DAB1: variants seen among roughly 807,000 people sequenced by gnomAD.
The protein encoded by DAB1 is DAB adaptor protein 1, also known as disabled homolog 1.
In DAB1, 15 loss-of-function variants were observed where a neutral mutation model predicts 64.6. The ratio of observed to expected loss-of-function variants is 0.23; its 90% CI spans 0.16 to 0.36. The LOEUF (loss-of-function observed/expected upper bound fraction) is 0.36. Among genes scored for constraint, DAB1 ranks in the 10% least tolerant of loss-of-function variants. DAB1 has a pLI of 1.00. For missense variants in DAB1, 596 were observed against 706.7 expected (o/e 0.84, Z 1.78); for synonymous variants, 235 against 251.9 (o/e 0.93, Z 0.64).
chr1:58,487,286 C>T (rs1167265206), intron 3 of DAB1, among the ~76,000 whole-genome samples: 2 of 152,176 alleles, frequency 1.3e-5, no homozygotes, highest in Admixed American at 1.3e-4. Flanking sequence ...AAGATGAGTC[C>T]TAAATTTCCT....
At chr1:58,342,287 G>A (rs542514476) in intron 4 of DAB1, among the ~76,000 whole-genome samples, 4 of 152,120 alleles carry the variant, frequency 2.6e-5, no homozygotes, top group South Asian at 2.1e-4. Flanking sequence ...GGAATCTGGG[G>A]AACTTTGGAG....
intron 3 of DAB1, among the ~76,000 whole-genome samples, chr1:58,382,664 G>A (rs1266058134): frequency 2.0e-5 from 3 of 152,174 alleles, no homozygotes; most frequent in Non-Finnish European, 4.4e-5. Flanking sequence ...AAAACACAGT[G>A]TAAACTGCTA....
chr1:57,554,532 C>T (rs1020616426), intron 7 of DAB1, among the ~76,000 whole-genome samples: 1 of 152,132 alleles, frequency 6.6e-6, no homozygotes, highest in Admixed American at 6.5e-5. Context: ...TTTCGATAAG[C>T]CTTTGTGGTT....
intron 4 of DAB1, among the ~76,000 whole-genome samples, chr1:58,260,846 GT>G (rs1661031882): frequency 6.6e-6 from 1 of 152,026 alleles, no homozygotes; most frequent in African/African-American, 2.4e-5. Context: ...CCTCATCTGT[GT>G]TTCTTTATTT....
intron 4 of DAB1, among the ~76,000 whole-genome samples, chr1:58,203,397 A>G (rs1658102455): frequency 6.6e-6 from 1 of 152,194 alleles, no homozygotes; most frequent in African/African-American, 2.4e-5. Flanking sequence ...TTTAAGACTT[A>G]CTTCAGGGTT....
rs1644931376 is a variant in DAB1, at chr1:57,552,932, C to T, written n.625+96660G>A. Among the ~76,000 whole-genome samples the T allele has an allele frequency of 2.0e-5, 3 of 152,186 alleles. No homozygotes were observed. The South Asian group carries it at 6.2e-4, about 32-fold the overall frequency. On this transcript the variant is annotated intron_variant and non_coding_transcript_variant, in intron 7 of 20. Coordinates refer to the DAB1 transcript ENST00000485760. Reference sequence around the variant, plus strand: ...CATTATTGATGGAGAGTAGGTGACACATTTGGGATATATTAAGGGGCCGAT... The same window carrying T: ...CATTATTGATGGAGAGTAGGTGACATATTTGGGATATATTAAGGGGCCGAT...
chr1:58,339,689 A>G (rs1469748418), intron 4 of DAB1, among the ~76,000 whole-genome samples: 1 of 152,110 alleles, frequency 6.6e-6, no homozygotes, highest in African/African-American at 2.4e-5. Context: ...TTTATTCCTT[A>G]TCTCAGTTAA....
chr1:57,057,345 A>G (rs1346236447), intron 9 of DAB1, among the ~76,000 whole-genome samples: 1 of 152,082 alleles, frequency 6.6e-6, no homozygotes, highest in Admixed American at 6.6e-5. Context: ...CTTATATATT[A>G]TATTGTTATA....
intron 3 of DAB1, among the ~76,000 whole-genome samples, chr1:58,355,828 C>T (rs570877648): frequency 7.9e-5 from 12 of 152,296 alleles, no homozygotes; most frequent in African/African-American, 2.6e-4. Flanking sequence ...TGCCTCTAAT[C>T]GCAGGAACAT....
intron 4 of DAB1, among the ~76,000 whole-genome samples, chr1:57,130,530 A>G (rs1657561517): frequency 1.3e-5 from 2 of 152,202 alleles, no homozygotes; most frequent in Non-Finnish European, 2.9e-5. Flanking sequence ...CAGCGAATGA[A>G]TATATAAATA....
intron 5 of DAB1, among the ~76,000 whole-genome samples, chr1:58,031,197 T>C (rs942758): frequency 3.9e-4 from 60 of 152,108 alleles, no homozygotes; most frequent in Non-Finnish European, 5.6e-4. Flanking sequence ...AACAAAAAAA[T>C]GCTTCAATTT....
chr1:58,190,007 C>A (rs923411541), intron 4 of DAB1, among the ~76,000 whole-genome samples: 34 of 152,138 alleles, frequency 2.2e-4, no homozygotes, highest in Admixed American at 2.2e-3. Context: ...GGACTTTAGT[C>A]CACAGTAAGG....
rs546250617 is a variant in DAB1 at position 57,749,152 on chromosome 1, A to T, written n.552-99487T>A. 5.3e-5 allele frequency among the ~76,000 whole-genome samples: 8 copies of T among 152,302 alleles called. No individual in the cohort carries two copies. In the South Asian group the frequency reaches 1.7e-3, roughly 32 times the overall value. Reference sequence around the variant, plus strand: ...TGGTCACCCTACGGGATGGAGTGGAAGTGAGGGGAGGGAATTATATTGACA... The same window carrying T: ...TGGTCACCCTACGGGATGGAGTGGATGTGAGGGGAGGGAATTATATTGACA... On this transcript the variant is annotated intron_variant and non_coding_transcript_variant, in intron 6 of 20. Transcript: ENST00000485760.
At chr1:58,196,561 T>C in intron 4 of DAB1, among the ~76,000 whole-genome samples, 1 of 152,130 alleles carries the variant, frequency 6.6e-6, no homozygotes, top group African/African-American at 2.4e-5. Context: ...AGAGACCAGG[T>C]AATTTACAAA....
chr1:57,387,282 C>G (rs1681946721), intron 1 of DAB1: 1 of 152,082 alleles, frequency 6.6e-6, no homozygotes, highest in Non-Finnish European at 1.5e-5. Flanking sequence ...AAGAATAAAC[C>G]CCTAATAACC....
At chr1:57,998,579 G>T (rs146953926) in intron 5 of DAB1, among the ~76,000 whole-genome samples, 2,012 of 152,090 alleles carry the variant, frequency 0.013, 50 homozygotes, top group African/African-American at 0.046. Context: ...GGCCAGGCTG[G>T]TCTCAAACTT....
chr1:57,285,835 T>C (rs1570163943), intron 2 of DAB1, among the ~76,000 whole-genome samples: 2 of 152,188 alleles, frequency 1.3e-5, no homozygotes, highest in South Asian at 2.1e-4. Flanking sequence ...CTGTTCATCA[T>C]GGGACACGTT....
Position 58,470,834 on chromosome 1 carries a change from C to T in DAB1, n.257+35226G>A, listed in dbSNP as rs571058909. Among the ~76,000 whole-genome samples, 28 of 152,162 alleles carry T rather than the reference C, an allele frequency of 1.8e-4. No homozygotes were observed. The South Asian group carries it at 5.8e-3, about 32-fold the overall frequency. On this transcript the variant is annotated intron_variant and non_coding_transcript_variant, in intron 3 of 20. Coordinates refer to the DAB1 transcript ENST00000485760. Reference sequence around the variant, plus strand: ...GACTGAGAGCTCCCTACTCGGCTGCCCAGTGTCAAGAGCTCTTCTTATTTG... The same window carrying T: ...GACTGAGAGCTCCCTACTCGGCTGCTCAGTGTCAAGAGCTCTTCTTATTTG...
chr1:57,007,448 G>A (rs150185393), intron 14 of DAB1, among the ~76,000 whole-genome samples: 8 of 152,154 alleles, frequency 5.3e-5, no homozygotes, highest in African/African-American at 1.9e-4. Flanking sequence ...TATTATTTTG[G>A]TTCTTTTTTG....
Sources: allele counts gnomAD v4.1 joint callset (sites outside exome capture counted in the v4.1 genomes callset), GRCh38; gene constraint gnomAD v4.1.1; transcripts MANE v1.5; gene names NCBI Gene and HGNC (gene_info 2026-07-23, HGNC 2026-07-21).